Variants in CSMD1 observed in about 807,000 individuals in gnomAD.
The protein encoded by CSMD1 is CUB and Sushi multiple domains 1.
In CSMD1, 213 loss-of-function variants were observed where a neutral mutation model predicts 417.5. The ratio of observed to expected loss-of-function variants is 0.51; its 90% CI spans 0.46 to 0.57. The LOEUF (loss-of-function observed/expected upper bound fraction) is 0.57, where lower values mean the gene tolerates loss of function less well. Among genes scored for constraint, CSMD1 ranks in the 20% least tolerant of loss-of-function variants. The pLI, the probability that CSMD1 is intolerant of heterozygous loss-of-function variation, is 0.00. For missense variants in CSMD1, 6,923 were observed against 4,529.7 expected, an observed-to-expected ratio of 1.53 and a Z score of -15.17; for synonymous variants, 2,862 against 1,736.8, an observed-to-expected ratio of 1.65 and a Z score of -16.11.
At chr8:3,452,076 C>T (rs1426446762) in intron 12 of CSMD1, among the ~76,000 whole-genome samples, 2 of 152,164 alleles carry the variant, frequency 1.3e-5, no homozygotes, top group African/African-American at 4.8e-5. Flanking sequence ...CTCTTTGAAG[C>T]AATTGTGAAT....
chr8:4,344,531 TAAATA>T (rs1212810888), intron 3 of CSMD1, among the ~76,000 whole-genome samples: 1 of 150,812 alleles, frequency 6.6e-6, no homozygotes, highest in Non-Finnish European at 1.5e-5. Context: ...GAAATATATA[TAAATA>T]AATAGGTATA....
intron 2 of CSMD1, among the ~76,000 whole-genome samples, chr8:4,488,684 T>TG (rs141706052): frequency 0.13 from 19,642 of 150,934 alleles, 1,499 homozygotes; most frequent in Admixed American, 0.21. Flanking sequence ...ATCATGGCGG[T>TG]GGGGGGGGTG....
intron 10 of CSMD1, among the ~76,000 whole-genome samples, chr8:3,494,260 T>C (rs1419751875): frequency 6.6e-6 from 1 of 152,212 alleles, no homozygotes; most frequent in Non-Finnish European, 1.5e-5. Flanking sequence ...TTACAAAGAA[T>C]ACTTTGTCAT....
At chr8:3,643,936 T>G (rs1033607249) in intron 7 of CSMD1, among the ~76,000 whole-genome samples, 2 of 152,196 alleles carry the variant, frequency 1.3e-5, no homozygotes, top group Admixed American at 6.5e-5. Flanking sequence ...TTTGTGTATT[T>G]AGTTGGATGA....
At chr8:3,419,684 T>A (rs1813366912) in intron 12 of CSMD1, among the ~76,000 whole-genome samples, 1 of 152,182 alleles carries the variant, frequency 6.6e-6, no homozygotes. Context: ...ATAATTCAGA[T>A]TACTTTCGTC....
intron 12 of CSMD1, among the ~76,000 whole-genome samples, chr8:3,454,655 G>A (rs1053179892): frequency 5.9e-5 from 9 of 152,298 alleles, no homozygotes; most frequent in African/African-American, 1.9e-4. Flanking sequence ...CTCTCTTCTG[G>A]CTTGTAGAGT....
intron 1 of CSMD1, among the ~76,000 whole-genome samples, chr8:4,974,455 C>G (rs945087837): frequency 6.6e-6 from 1 of 152,064 alleles, no homozygotes; most frequent in Non-Finnish European, 1.5e-5. Flanking sequence ...TTTTAGCAGA[C>G]ACAGGCTATA....
chr8:3,234,395 T>C (rs1299571285), intron 26 of CSMD1, among the ~76,000 whole-genome samples: 1 of 152,200 alleles, frequency 6.6e-6, no homozygotes, highest in African/African-American at 2.4e-5. Flanking sequence ...GGCCATGATT[T>C]CTGAGACATC....
Position 4,066,792 on chromosome 8 carries a change from C to G in CSMD1, c.416-34693G>C, listed in dbSNP as rs1175218650. On this transcript the variant is annotated intron_variant, in intron 3 of 69. Coordinates refer to ENST00000635120, the MANE Select transcript of CSMD1 (RefSeq NM_033225.6). ...GAAAGGGGCGAGAAACGAATGCAAG[C>G]TCTGCCTGTGCTCCAAAAGCGAAAG... 3.9e-5 allele frequency among the ~76,000 whole-genome samples: 6 copies of G among 152,294 alleles called. No homozygotes were observed. In the East Asian group the frequency reaches 5.8e-4, roughly 15 times the overall value.
chr8:2,964,743 G>A (rs1803807069), intron 59 of CSMD1, among the ~76,000 whole-genome samples: 2 of 152,150 alleles, frequency 1.3e-5, no homozygotes, highest in African/African-American at 2.4e-5. Context: ...TACAAAGAAG[G>A]GAAGGCAATG....
intron 5 of CSMD1, among the ~76,000 whole-genome samples, chr8:3,871,355 G>A (rs1805469861): frequency 6.6e-6 from 1 of 151,936 alleles, no homozygotes; most frequent in Non-Finnish European, 1.5e-5. Context: ...CAACTATTAT[G>A]TCTCTTACTA....
chr8:3,152,863 G>C (rs1473639761), intron 39 of CSMD1, among the ~76,000 whole-genome samples: 2 of 152,190 alleles, frequency 1.3e-5, no homozygotes, highest in African/African-American at 4.8e-5. Flanking sequence ...GCAAATCTGA[G>C]TGGCATGCCT....
chr8:4,424,693 A>T (rs1797444073), intron 2 of CSMD1, among the ~76,000 whole-genome samples: 1 of 152,106 alleles, frequency 6.6e-6, no homozygotes, highest in South Asian at 2.1e-4. Context: ...CGTAACTGCC[A>T]TCTGACCAAA....
intron 3 of CSMD1, among the ~76,000 whole-genome samples, chr8:4,151,662 G>T (rs1413127893): frequency 6.6e-6 from 1 of 152,032 alleles, no homozygotes; most frequent in African/African-American, 2.4e-5. Flanking sequence ...TTATTATTAT[G>T]TCAACATTAT....
chr8:4,957,308 T>C (rs986544014), intron 1 of CSMD1, among the ~76,000 whole-genome samples: 2 of 152,138 alleles, frequency 1.3e-5, no homozygotes, highest in Non-Finnish European at 2.9e-5. Flanking sequence ...GCCCCTAATA[T>C]TTTTTTAAAC....
intron 3 of CSMD1, among the ~76,000 whole-genome samples, chr8:4,294,913 G>A (rs1271291908): frequency 6.6e-6 from 1 of 151,508 alleles, no homozygotes; most frequent in East Asian, 2.0e-4. Context: ...AAAGCCTCAG[G>A]TAACCATGTG....
intron 46 of CSMD1, among the ~76,000 whole-genome samples, chr8:3,099,503 G>A (rs907124841): frequency 5.3e-5 from 8 of 152,232 alleles, no homozygotes; most frequent in Middle Eastern, 3.4e-3. Flanking sequence ...TGCTACCAGA[G>A]GGCGTTTCAT....
At chr8:4,502,197 AT>A (rs1476042426) in intron 2 of CSMD1, among the ~76,000 whole-genome samples, 8 of 149,758 alleles carry the variant, frequency 5.3e-5, no homozygotes, top group Middle Eastern at 3.4e-3. Flanking sequence ...GAACAGAAAC[AT>A]TTTTTTTTTA....
At chr8:3,487,258 G>C (rs1467453004) in intron 11 of CSMD1, among the ~76,000 whole-genome samples, 1 of 152,110 alleles carries the variant, frequency 6.6e-6, no homozygotes, top group Non-Finnish European at 1.5e-5. Context: ...CTGGAGTGCA[G>C]TGGCGCGATC....
Sources: gnomAD v4.1 joint callset for allele counts (sites outside exome capture counted in the v4.1 genomes callset) on GRCh38, gnomAD v4.1.1 for gene constraint, MANE v1.5 for transcripts, NCBI Gene and HGNC (gene_info 2026-07-23, HGNC 2026-07-21) for gene names.